FAT3: variants seen among roughly 807,000 people sequenced by gnomAD.
The protein encoded by FAT3 is FAT atypical cadherin 3.
FAT3 carries 95 observed loss-of-function variants against 310.2 expected under a neutral mutation model. That is an observed-to-expected ratio of 0.31 (90% CI 0.26 to 0.36). The LOEUF is 0.36. FAT3 is among the 10% of genes least tolerant of loss of function. The pLI, the probability that FAT3 is intolerant of heterozygous loss-of-function variation, is 1.00. For missense variants in FAT3, 5,408 were observed against 5,715.6 expected, an observed-to-expected ratio of 0.95 and a Z score of 1.74; for synonymous variants, 2,314 against 2,192.9, an observed-to-expected ratio of 1.06 and a Z score of -1.54.
chr11:92,344,717 C>T (rs941092382), intron 1 of FAT3, among the ~76,000 whole-genome samples: 1 of 152,160 alleles, frequency 6.6e-6, no homozygotes, highest in African/African-American at 2.4e-5. Flanking sequence ...GTTACAGCCA[C>T]AGTGTGTGAT....
intron 26 of FAT3, 50 bp downstream of exon 26, chr11:92,889,298 T>A: frequency 1.5e-6 from 1 of 678,170 alleles, no homozygotes; most frequent in Non-Finnish European, 2.7e-6. Context: ...TGCTTCCTTG[T>A]TACTTTGGAC....
intron 3 of FAT3, among the ~76,000 whole-genome samples, chr11:92,640,690 T>G (rs768404369): frequency 2.6e-5 from 4 of 152,220 alleles, no homozygotes; most frequent in Non-Finnish European, 5.9e-5. Context: ...GCAGTTAGTA[T>G]GAACTCTTTC....
chr11:92,249,755 G>A (rs767356436), intron 1 of FAT3, among the ~76,000 whole-genome samples: 1 of 152,028 alleles, frequency 6.6e-6, no homozygotes, highest in Admixed American at 6.6e-5. Context: ...AAAACCTGAG[G>A]TGCCAGCAGC....
chr11:92,364,168 C>T (rs964312085), intron 2 of FAT3, among the ~76,000 whole-genome samples: 3 of 152,084 alleles, frequency 2.0e-5, no homozygotes, highest in African/African-American at 7.2e-5. Flanking sequence ...AACCTGGAAA[C>T]TTGTGTGGTC....
chr11:92,272,058 C>T (rs1362854372), intron 1 of FAT3, among the ~76,000 whole-genome samples: 1 of 152,216 alleles, frequency 6.6e-6, no homozygotes, highest in East Asian at 1.9e-4. Flanking sequence ...TCCTCCATCT[C>T]CCTTCTCTGG....
chr11:92,534,629 G>T (rs1403518657), intron 3 of FAT3, among the ~76,000 whole-genome samples: 1 of 152,134 alleles, frequency 6.6e-6, no homozygotes, highest in Admixed American at 6.5e-5. Context: ...ATTCATATTG[G>T]ATGTGTGTGG....
intron 1 of FAT3, among the ~76,000 whole-genome samples, chr11:92,282,279 G>T (rs1946446317): frequency 6.6e-6 from 1 of 152,080 alleles, no homozygotes; most frequent in African/African-American, 2.4e-5. Context: ...AGGACTTATT[G>T]TCACCTGCCT....
chr11:92,790,211 A>G lies in FAT3; in HGVS notation c.4604A>G (p.Asn1535Ser). 1.2e-6 allele frequency: 2 copies of G among 1,613,424 alleles called. No homozygotes were observed. Among genetic ancestry groups the G allele is most frequent in the South Asian group, 1.1e-5 (1 of 91,056 alleles). ...DHEAQDKHIL[N>S]IMVRDQEFPY... ...GAGGCCCAGGACAAGCACATTCTCAACATAATGGTAGGACCAAAATCCTAA... is the reference window on the plus strand; with the variant it reads ...GAGGCCCAGGACAAGCACATTCTCAGCATAATGGTAGGACCAAAATCCTAA... Residue 1535 changes from asparagine to serine, a missense_variant, in exon 8 of 28, where the codon AAC (asparagine) becomes AGC (serine). This residue lies in a region of FAT3 where 4,588 missense variants were observed against 4,809.8 expected (regional missense o/e 0.95). Transcript: ENST00000525166.
intron 3 of FAT3, among the ~76,000 whole-genome samples, chr11:92,650,809 G>T (rs1309867010): frequency 1.3e-5 from 2 of 152,138 alleles, no homozygotes; most frequent in Admixed American, 6.5e-5. Flanking sequence ...ATGAAAGGGG[G>T]TTAATATGAA....
At chr11:92,405,625 C>G (rs1207469926) in intron 2 of FAT3, among the ~76,000 whole-genome samples, 6 of 152,146 alleles carry the variant, frequency 3.9e-5, no homozygotes, top group African/African-American at 1.4e-4. Context: ...ATGGCATGTG[C>G]TTGTGGTCCC....
At chr11:92,272,553 G>C (rs1288369235) in intron 1 of FAT3, among the ~76,000 whole-genome samples, 2 of 152,008 alleles carry the variant, frequency 1.3e-5, no homozygotes, top group Admixed American at 6.6e-5. Flanking sequence ...AGTTAGGCCA[G>C]TAGAAAGAAA....
intron 3 of FAT3, among the ~76,000 whole-genome samples, chr11:92,551,154 A>G (rs1272760321): frequency 6.6e-6 from 1 of 152,084 alleles, no homozygotes; most frequent in Admixed American, 6.5e-5. Context: ...TTAGAGACCA[A>G]TTGGAGGTGA....
intron 9 of FAT3, among the ~76,000 whole-genome samples, chr11:92,794,506 CT>C (rs1045921397): frequency 3.3e-5 from 5 of 152,196 alleles, no homozygotes; most frequent in African/African-American, 1.2e-4. Context: ...GCTACTTATA[CT>C]CCTTTTAGAT....
At chr11:92,315,508 T>TAGAGAGAGAG (rs1456432670) in intron 1 of FAT3, among the ~76,000 whole-genome samples, 7 of 83,342 alleles carry the variant, frequency 8.4e-5, no homozygotes, top group Non-Finnish European at 1.4e-4. Context: ...TATATATATA[T>TAGAGAGAGAG]ATATAGAGAG....
At chr11:92,602,671 T>C (rs187962156) in intron 3 of FAT3, among the ~76,000 whole-genome samples, 1 of 152,246 alleles carries the variant, frequency 6.6e-6, no homozygotes, top group African/African-American at 2.4e-5. Flanking sequence ...ATGATCCACC[T>C]ACTCAGTGCT....
chr11:92,724,849 G>T (rs546064613), intron 4 of FAT3, among the ~76,000 whole-genome samples: 1 of 152,324 alleles, frequency 6.6e-6, no homozygotes, highest in East Asian at 1.9e-4. Context: ...AGCCAGAGGA[G>T]CAGGAGACCA....
chr11:92,613,716 G>A (rs1441833156), intron 3 of FAT3, among the ~76,000 whole-genome samples: 1 of 152,164 alleles, frequency 6.6e-6, no homozygotes, highest in Non-Finnish European at 1.5e-5. Context: ...CTGGGAAGCT[G>A]ATCATTGGTG....
intron 4 of FAT3, among the ~76,000 whole-genome samples, chr11:92,760,082 G>T (rs1453775253): frequency 1.3e-5 from 2 of 152,176 alleles, no homozygotes; most frequent in Admixed American, 1.3e-4. Flanking sequence ...TTCAGAACTG[G>T]CATGTCAAGG....
chr11:92,498,491 A>G (rs906926787), intron 2 of FAT3: 2 of 157,210 alleles, frequency 1.3e-5, no homozygotes, highest in African/African-American at 4.8e-5. Flanking sequence ...CTGGTATCTG[A>G]CCATTGCACA....
Sources: gnomAD v4.1 joint callset for allele counts (sites outside exome capture counted in the v4.1 genomes callset) on GRCh38, gnomAD v4.1.1 for gene constraint, gnomAD v4.1.1 regional missense constraint, MANE v1.5 for transcripts, NCBI Gene and HGNC (gene_info 2026-07-23, HGNC 2026-07-21) for gene names.